The following HS3ST4 variants were observed in gnomAD, a reference collection of about 807,000 sequenced individuals.
The protein encoded by HS3ST4 is heparan sulfate-glucosamine 3-sulfotransferase 4, also known as heparan sulfate glucosamine 3-O-sulfotransferase 4.
HS3ST4 carries 17 observed loss-of-function variants against 29.2 expected under a neutral mutation model. The ratio of observed to expected loss-of-function variants is 0.58; its 90% CI spans 0.40 to 0.87. The LOEUF (loss-of-function observed/expected upper bound fraction) is 0.87, where lower values mean the gene tolerates loss of function less well. HS3ST4 is among the 40% of genes least tolerant of loss of function. The pLI is 0.00. For synonymous variants in HS3ST4, 314 were observed against 285.7 expected, an observed-to-expected ratio of 1.10 and a Z score of -1.00; for missense variants, 627 against 634.5, an observed-to-expected ratio of 0.99 and a Z score of 0.13.
chr16:25,848,372 T>C (rs1402588374), intron 1 of HS3ST4, among the ~76,000 whole-genome samples: 1 of 152,104 alleles, frequency 6.6e-6, no homozygotes, highest in Non-Finnish European at 1.5e-5. Context: ...ACTCCTGACA[T>C]CAAATGATCC....
chr16:25,916,481 G>C (rs1165307626), intron 1 of HS3ST4, among the ~76,000 whole-genome samples: 1 of 151,962 alleles, frequency 6.6e-6, no homozygotes, highest in South Asian at 2.1e-4. Context: ...TCCTGCCTCA[G>C]CCTACCGAGT....
intron 1 of HS3ST4, among the ~76,000 whole-genome samples, chr16:26,082,297 G>A (rs889787240): frequency 6.6e-6 from 1 of 152,104 alleles, no homozygotes; most frequent in African/African-American, 2.4e-5. Context: ...TTGCAACTAC[G>A]TGGTCTTCTG....
intron 1 of HS3ST4, among the ~76,000 whole-genome samples, chr16:26,010,782 G>A (rs1969303258): frequency 6.6e-6 from 1 of 152,194 alleles, no homozygotes; most frequent in African/African-American, 2.4e-5. Context: ...TCTCAATTGA[G>A]CATTGAAGAA....
rs535539762 is a variant in HS3ST4 at position 26,062,558 on chromosome 16, T to C, written c.735-73054T>C. ...CCGATGCCTGCATCCTTGCCTACCT[T>C]CCTCTATTTCGGAATCATCTTCATT... On this transcript the variant is annotated intron_variant, in intron 1 of 1. Transcript: ENST00000331351. 2.0e-5 allele frequency among the ~76,000 whole-genome samples: 3 copies of C among 152,230 alleles called. No homozygotes were observed. The East Asian group carries it at 5.8e-4, about 29-fold the overall frequency.
At chr16:25,721,823 A>G (rs1226232253) in intron 1 of HS3ST4, among the ~76,000 whole-genome samples, 1 of 152,214 alleles carries the variant, frequency 6.6e-6, no homozygotes, top group Non-Finnish European at 1.5e-5. Context: ...CTGCCTAAAT[A>G]TTTGTCTGGC....
At chr16:25,980,640 T>G (rs961866008) in intron 1 of HS3ST4, among the ~76,000 whole-genome samples, 9 of 152,188 alleles carry the variant, frequency 5.9e-5, no homozygotes, top group African/African-American at 2.2e-4. Context: ...CCATGGTATC[T>G]CTCTACTTTT....
intron 1 of HS3ST4, among the ~76,000 whole-genome samples, chr16:25,955,712 A>T (rs915130287): frequency 6.6e-6 from 1 of 152,018 alleles, no homozygotes; most frequent in African/African-American, 2.4e-5. Flanking sequence ...GGTGTGTTTT[A>T]GGCACTAGAT....
At chr16:25,945,065 C>T (rs1468187428) in intron 1 of HS3ST4, among the ~76,000 whole-genome samples, 1 of 152,196 alleles carries the variant, frequency 6.6e-6, no homozygotes, top group Non-Finnish European at 1.5e-5. Context: ...CACTGATCTC[C>T]TGTACTTAAT....
chr16:25,939,628 C>G (rs765203790), intron 1 of HS3ST4, among the ~76,000 whole-genome samples: 1 of 152,062 alleles, frequency 6.6e-6, no homozygotes, highest in African/African-American at 2.4e-5. Context: ...CGTGAGCCAC[C>G]GTACCCGGCC....
intron 1 of HS3ST4, chr16:26,063,088 T>G (rs1320677458): frequency 1.3e-5 from 2 of 158,994 alleles, no homozygotes; most frequent in African/African-American, 4.8e-5. Flanking sequence ...ATAAACTTTC[T>G]AAATGCTTGT....
chr16:25,929,236 G>A (rs1307311670), intron 1 of HS3ST4, among the ~76,000 whole-genome samples: 1 of 151,976 alleles, frequency 6.6e-6, no homozygotes. Flanking sequence ...ACAAAAATTA[G>A]CTGGGTGTGA....
intron 1 of HS3ST4, among the ~76,000 whole-genome samples, chr16:25,849,892 T>C (rs1027645832): frequency 8.5e-5 from 13 of 152,192 alleles, no homozygotes; most frequent in African/African-American, 3.1e-4. Flanking sequence ...TTCTATTTTT[T>C]TCTGATACTT....
At chr16:25,995,060 C>G (rs559841189) in intron 1 of HS3ST4, among the ~76,000 whole-genome samples, 1 of 152,280 alleles carries the variant, frequency 6.6e-6, no homozygotes, top group South Asian at 2.1e-4. Context: ...TCATGAAAGA[C>G]ATAAAGTTCA....
intron 1 of HS3ST4, among the ~76,000 whole-genome samples, chr16:25,902,548 G>C (rs146966483): frequency 7.9e-5 from 12 of 152,134 alleles, no homozygotes; most frequent in Admixed American, 5.9e-4. Flanking sequence ...ATATGAAGTA[G>C]CATCATGGGA....
intron 1 of HS3ST4, among the ~76,000 whole-genome samples, chr16:25,734,451 G>A (rs983148622): frequency 1.3e-5 from 2 of 152,032 alleles, no homozygotes; most frequent in African/African-American, 4.8e-5. Flanking sequence ...CTTGGGCAGA[G>A]CTAGGACCAG....
At chr16:25,729,973 G>GA (rs909944953) in intron 1 of HS3ST4, among the ~76,000 whole-genome samples, 4 of 151,918 alleles carry the variant, frequency 2.6e-5, no homozygotes, top group Admixed American at 6.5e-5. Flanking sequence ...ACCACAAAGA[G>GA]AAAAGAAAAA....
intron 1 of HS3ST4, among the ~76,000 whole-genome samples, chr16:25,854,462 G>C (rs1967553596): frequency 1.3e-5 from 2 of 152,110 alleles, no homozygotes; most frequent in African/African-American, 2.4e-5. Context: ...AGTTTTGGTT[G>C]CCTTCTGTAT....
chr16:25,873,484 A>G (rs868563076), intron 1 of HS3ST4, among the ~76,000 whole-genome samples: 1,495 of 102,592 alleles, frequency 0.015, 30 homozygotes, highest in African/African-American at 0.044. Flanking sequence ...CTATCTCTCT[A>G]TCTATCTATC....
At position 26,024,801 on chromosome 16, in the gene HS3ST4, G is replaced by C. The variant is rs1448050398; in HGVS notation, c.735-110811G>C. Among the ~76,000 whole-genome samples, 2 of 152,176 alleles carry C rather than the reference G, an allele frequency of 1.3e-5. 1 individual carries two copies. ...ACTTTTAATGATCTTTATCCTTTGT[G>C]TAATTCCAGCCTTAGCCAAATTGAC... On this transcript the variant is annotated intron_variant, in intron 1 of 1. Transcript: ENST00000331351.
Sources: gnomAD v4.1 joint callset for allele counts (sites outside exome capture counted in the v4.1 genomes callset) on GRCh38, gnomAD v4.1.1 for gene constraint, MANE v1.5 for transcripts, NCBI Gene and HGNC (gene_info 2026-07-23, HGNC 2026-07-21) for gene names.